SNX31: variants seen among roughly 807,000 people sequenced by gnomAD.
SNX31 encodes the protein sorting nexin-31.
A neutral mutation model predicts 65.4 loss-of-function variants in SNX31; 58 were observed. That is an observed-to-expected ratio of 0.89 (90% CI 0.72 to 1.10). The LOEUF (loss-of-function observed/expected upper bound fraction) is 1.10. Ranked by LOEUF, SNX31 falls within the 50% of genes least tolerant of loss-of-function variation. The pLI, the probability that SNX31 is intolerant of heterozygous loss-of-function variation, is 0.00. For synonymous variants in SNX31, 181 were observed against 190.1 expected (o/e 0.95, Z 0.39); for missense variants, 523 against 529.7 (o/e 0.99, Z 0.12).
intron 2 of SNX31, among the ~76,000 whole-genome samples, chr8:100,637,173 C>T (rs1818837069): frequency 6.6e-6 from 1 of 152,124 alleles, no homozygotes; most frequent in Admixed American, 6.5e-5. Flanking sequence ...TTTATGGAAC[C>T]TAAAAAGTGG....
chr8:100,639,145 T>C (rs1009409888), intron 2 of SNX31, among the ~76,000 whole-genome samples: 11 of 152,308 alleles, frequency 7.2e-5, no homozygotes, highest in African/African-American at 1.9e-4. Flanking sequence ...CACTATGCAT[T>C]AGTCAAAATT....
At chr8:100,662,428 T>A (rs1809802907) in intron 1 of SNX31, among the ~76,000 whole-genome samples, 1 of 152,206 alleles carries the variant, frequency 6.6e-6, no homozygotes, top group African/African-American at 2.4e-5. Context: ...TCGGGCATGG[T>A]GGCTCACGCC....
chr8:100,584,334 T>C, intron 11 of SNX31, 146 bp from the exon 12 acceptor site: 1 of 551,760 alleles, frequency 1.8e-6, no homozygotes, highest in South Asian at 3.1e-5. Context: ...CCTCTAGAAG[T>C]TTTCATAAGA....
chr8:100,643,008 T>G (rs934515757), intron 2 of SNX31, among the ~76,000 whole-genome samples: 1 of 152,150 alleles, frequency 6.6e-6, no homozygotes, highest in East Asian at 1.9e-4. Flanking sequence ...CTGGCCAACA[T>G]GGCAAAACCC....
chr8:100,640,637 C>CGA (rs1165526930), intron 2 of SNX31, among the ~76,000 whole-genome samples: 1 of 152,190 alleles, frequency 6.6e-6, no homozygotes, highest in Non-Finnish European at 1.5e-5. Flanking sequence ...ATAGTAGGTA[C>CGA]TCTTGATACG....
chr8:100,598,794 A>C (rs1388544659), intron 9 of SNX31, among the ~76,000 whole-genome samples: 1 of 152,248 alleles, frequency 6.6e-6, no homozygotes, highest in Non-Finnish European at 1.5e-5. Flanking sequence ...ATTTTCAGCT[A>C]TACAGACATA....
chr8:100,633,492 C>T (rs922096518), intron 3 of SNX31, among the ~76,000 whole-genome samples: 1 of 152,130 alleles, frequency 6.6e-6, no homozygotes, highest in African/African-American at 2.4e-5. Context: ...CAGCCTCCTC[C>T]TCCCGGGTTC....
chr8:100,632,667 G>A (rs1818488621), intron 3 of SNX31, among the ~76,000 whole-genome samples: 1 of 152,002 alleles, frequency 6.6e-6, no homozygotes, highest in African/African-American at 2.4e-5. Flanking sequence ...TGTCACCCAA[G>A]CTGGAGTGCA....
chr8:100,633,747 T>C (rs1287542012), intron 3 of SNX31, among the ~76,000 whole-genome samples: 4 of 152,090 alleles, frequency 2.6e-5, no homozygotes, highest in Admixed American at 6.6e-5. Flanking sequence ...GAGAGATTCA[T>C]ATATACACAT....
rs546473447 is a variant in SNX31 at position 100,649,627 on chromosome 8, G to A, written c.-113C>T. The stretch of plus-strand genomic sequence containing the variant: ...AGCGCGGCCTGCCACGCGACTCAGA[G>A]CGAACCCCGGCGCCCGCTCTCGCCG... On this transcript the variant is annotated 5_prime_UTR_variant, in exon 1 of 14. Coordinates refer to ENST00000311812, the MANE Select transcript of SNX31 (RefSeq NM_152628.4). 2,855 of 1,011,642 alleles carry A rather than the reference G, an allele frequency of 2.8e-3. 6 individuals are homozygous for A. Among genetic ancestry groups the A allele is most frequent in the Non-Finnish European group, 3.7e-3 (2,602 of 707,946 alleles). The allele number at this position is 1,011,642 out of a possible 1,614,324, so 62.7% of individuals were successfully genotyped here.
intron 7 of SNX31, among the ~76,000 whole-genome samples, chr8:100,611,356 C>T (rs928569345): frequency 5.9e-5 from 9 of 152,266 alleles, no homozygotes; most frequent in Admixed American, 4.6e-4. Flanking sequence ...ATCCATGTCC[C>T]CTGGCCCCGC....
chr8:100,617,666 A>C lies in SNX31; in HGVS notation c.386T>G (p.Ile129Ser). ...LDIFLPNEQS[I>S]RIEIITSDTA... The stretch of plus-strand genomic sequence containing the variant: ...GTCTGATGTTATAATTTCGATTCTA[A>C]TACTCTGTTCATTGGGCAGAAATAT... The change falls in exon 5 of 14, where the codon ATT (isoleucine) becomes AGT (serine). Residue 129 changes from isoleucine to serine, a missense_variant. By Grantham distance (142) the Ile-to-Ser change is moderately radical (BLOSUM62 -2). Transcript: ENST00000311812. The C allele has an allele frequency of 6.2e-7, 1 of 1,613,370 alleles. No individual in the cohort carries two copies. The highest frequency in any genetic ancestry group is 8.5e-7 in the Non-Finnish European group (1 of 1,179,840).
chr8:100,641,597 C>T (rs868033168), intron 2 of SNX31, among the ~76,000 whole-genome samples: 465 of 15,760 alleles, frequency 0.03, 9 homozygotes, highest in African/African-American at 0.034. Flanking sequence ...TATATATATA[C>T]ACATACACAC....
At position 100,617,733 on chromosome 8, in the gene SNX31, A is replaced by G. The variant is rs1173702913; in HGVS notation, c.322-3T>C. 6.3e-7 allele frequency: 1 copy of G among 1,594,682 alleles called. No homozygotes were observed. Among genetic ancestry groups the G allele is most frequent in the Admixed American group, 1.8e-5 (1 of 55,850 alleles). Reference sequence around the variant, plus strand: ...TTGGTGGCGATGTCAAATGTATTCTATAAGCAAAAGAAAAGCAAAATAAAT... The same window carrying G: ...TTGGTGGCGATGTCAAATGTATTCTGTAAGCAAAAGAAAAGCAAAATAAAT... On this transcript the variant is annotated splice_region_variant and splice_polypyrimidine_tract_variant and intron_variant, in intron 4 of 13. Transcript: ENST00000311812.
In SNX31 at chr8:100,614,361, G is replaced by A. The variant is rs1816986238; in HGVS notation, c.433-1276C>T. ...GGAAAACAACAAGCTTACATGCCAAGGCAGACAGAGGAAAGGCATGGGGGC... is the reference window on the plus strand; with the variant it reads ...GGAAAACAACAAGCTTACATGCCAAAGCAGACAGAGGAAAGGCATGGGGGC... On this transcript the variant is annotated intron_variant, in intron 5 of 13. Transcript: ENST00000311812. This position sits in a 1 kb window ranked among gnomAD's most constrained non-coding sequence, Gnocchi z 5.1. 6.6e-6 allele frequency among the ~76,000 whole-genome samples: 1 copy of A among 152,138 alleles called. No homozygotes were observed. The highest frequency in any genetic ancestry group is 1.5e-5 in the Non-Finnish European group (1 of 68,034).
intron 4 of SNX31, among the ~76,000 whole-genome samples, chr8:100,628,704 A>ACG (rs1818219521): frequency 6.6e-6 from 1 of 151,716 alleles, no homozygotes; most frequent in South Asian, 2.1e-4. Context: ...ACAAACCTGC[A>ACG]TATTGTGCAC....
rs772720006 is a variant in SNX31 at position 100,635,924 on chromosome 8, C to T, written c.229G>A (p.Asp77Asn). The change falls in exon 3 of 14, where the codon GAC becomes AAC. Residue 77 changes from aspartate to asparagine, a missense_variant. Physicochemically the swap from Asp to Asn is conservative, Grantham distance 23 (BLOSUM62 1). Transcript: ENST00000311812. The stretch of plus-strand genomic sequence containing the variant: ...TTTTGCAAATATTGTTCCAGTTGGT[C>T]CCTCCTCTCATCAGCCATAGCTGTG... Reference protein sequence around the residue: ...MTTAMADERRDQLEQYLQNVT... With the variant: ...MTTAMADERRNQLEQYLQNVT... 1.5e-5 allele frequency: 24 copies of T among 1,613,832 alleles called. No individual in the cohort carries two copies. The highest frequency in any genetic ancestry group is 1.9e-5 in the Non-Finnish European group (22 of 1,179,766).
rs1816769151 is a variant in SNX31 at position 100,612,150 on chromosome 8, C to A, written c.524-63G>T. On this transcript the variant is annotated intron_variant, in intron 6 of 13. Coordinates refer to ENST00000311812, the MANE Select transcript of SNX31 (RefSeq NM_152628.4). The surrounding 1 kb of genome is among the most constrained non-coding windows in gnomAD (Gnocchi z 4.3). Reference sequence around the variant, plus strand: ...AGCACAGACAGCTTATATATAGCAGCTTTCAAATGAGAAAATAAAACCTTA... The same window carrying A: ...AGCACAGACAGCTTATATATAGCAGATTTCAAATGAGAAAATAAAACCTTA... The A allele has an allele frequency of 2.0e-6, 2 of 983,396 alleles. No homozygotes were observed. Among genetic ancestry groups the A allele is most frequent in the Non-Finnish European group, 1.6e-6 (1 of 633,138 alleles). The allele number at this position is 983,396 out of a possible 1,614,324, so 60.9% of individuals were successfully genotyped here. A position where few individuals can be genotyped will look rare whatever the true frequency, so the allele number is the denominator to read the frequency against.
rs1351452015 is a variant in SNX31 at position 100,581,327 on chromosome 8, ATCTATCTATC to A, written c.1170+2774_1170+2783del. On this transcript the variant is annotated intron_variant, in intron 12 of 13. Transcript: ENST00000311812. ...AAAAATTTTTTATATATCTATATCTATCTATCTATCTATATATATATATATATATAATTTA... is the reference window on the plus strand; with the variant it reads ...AAAAATTTTTTATATATCTATATCTATATATATATATATATATATAATTTA... Among the ~76,000 whole-genome samples the A allele has an allele frequency of 1.8e-4, 24 of 132,396 alleles. No homozygotes were observed. In the South Asian group the frequency reaches 3.1e-3, roughly 17 times the overall value. The allele number at this position is 132,396 out of a possible 152,430, so 86.9% of individuals were successfully genotyped here. A position where few individuals can be genotyped will look rare whatever the true frequency, so the allele number is the denominator to read the frequency against.
Sources: gnomAD v4.1 joint callset for allele counts (sites outside exome capture counted in the v4.1 genomes callset) on GRCh38, gnomAD v4.1.1 for gene constraint, Gnocchi (gnomAD v3.1) non-coding constraint, MANE v1.5 for transcripts, NCBI Gene and HGNC (gene_info 2026-07-23, HGNC 2026-07-21) for gene names.